The following RARB variants were observed in gnomAD, a reference collection of about 807,000 sequenced individuals.
RARB encodes retinoic acid receptor beta.
Under a neutral mutation model 51.9 loss-of-function variants are expected in RARB, and 17 were observed. That is an observed-to-expected ratio of 0.33 (90% confidence interval 0.22 to 0.49). RARB has a LOEUF of 0.49. Among genes scored for constraint, RARB ranks in the 20% least tolerant of loss-of-function variants. The pLI is 0.99. For missense variants in RARB, 369 were observed against 550.8 expected, an observed-to-expected ratio of 0.67 and a Z score of 3.30; for synonymous variants, 215 against 195.4, an observed-to-expected ratio of 1.10 and a Z score of -0.84.
chr3:25,138,871 C>A (rs550661211), intron 4 of RARB, among the ~76,000 whole-genome samples: 6 of 152,260 alleles, frequency 3.9e-5, no homozygotes, highest in South Asian at 4.1e-4. Flanking sequence ...CTTGTGGCAA[C>A]CCTGTGTTGA....
At chr3:25,277,101 G>A (rs1703407914) in intron 5 of RARB, among the ~76,000 whole-genome samples, 1 of 152,158 alleles carries the variant, frequency 6.6e-6, no homozygotes, top group South Asian at 2.1e-4. Context: ...CGTATTACTG[G>A]AAAAGTTAGC....
At chr3:25,502,153 C>T (rs1367369105) in intron 3 of RARB, among the ~76,000 whole-genome samples, 2 of 152,170 alleles carry the variant, frequency 1.3e-5, no homozygotes, top group African/African-American at 4.8e-5. Flanking sequence ...TTGGTGATGG[C>T]GTGCTGTGCA....
rs554679825 is a variant in RARB, at chr3:25,098,773, G to A, written c.-327-33388G>A. Among the ~76,000 whole-genome samples, 5 of 152,230 alleles carry A rather than the reference G, an allele frequency of 3.3e-5. No individual in the cohort carries two copies. The East Asian group carries it at 7.7e-4, about 23-fold the overall frequency. The stretch of plus-strand genomic sequence containing the variant: ...TTTACAGAAGTAGTTTACTGACCCC[G>A]ATCCTAAATATTAGCATGTGTTTGT... On this transcript the variant is annotated intron_variant, in intron 3 of 11. Coordinates refer to the RARB transcript ENST00000383772.
chr3:25,070,358 G>A (rs781750827), intron 3 of RARB, among the ~76,000 whole-genome samples: 3 of 152,162 alleles, frequency 2.0e-5, no homozygotes, highest in South Asian at 2.1e-4. Flanking sequence ...AGGGAAGAGC[G>A]AGTGCATACT....
chr3:25,050,206 C>A (rs190414355), intron 2 of RARB, among the ~76,000 whole-genome samples: 24 of 152,060 alleles, frequency 1.6e-4, no homozygotes, highest in African/African-American at 5.8e-4. Flanking sequence ...ACGGTCAAAC[C>A]TAAAAATCTG....
intron 2 of RARB, among the ~76,000 whole-genome samples, chr3:24,903,298 C>A (rs1019725280): frequency 6.6e-6 from 1 of 151,798 alleles, no homozygotes; most frequent in African/African-American, 2.4e-5. Flanking sequence ...AGACAAACTT[C>A]TATGTGAAGT....
intron 2 of RARB, among the ~76,000 whole-genome samples, chr3:24,882,876 A>C (rs997155303): frequency 2.0e-5 from 3 of 152,144 alleles, no homozygotes; most frequent in African/African-American, 7.2e-5. Flanking sequence ...ATATGACAGA[A>C]CTCTGACCAA....
intron 5 of RARB, among the ~76,000 whole-genome samples, chr3:25,313,507 C>A (rs1704341810): frequency 6.6e-6 from 1 of 152,270 alleles, no homozygotes; most frequent in South Asian, 2.1e-4. Flanking sequence ...AACTTCTTTG[C>A]CTGGTTCCCT....
intron 2 of RARB, among the ~76,000 whole-genome samples, chr3:24,913,220 C>A (rs147074988): frequency 1.3e-5 from 2 of 151,096 alleles, no homozygotes; most frequent in Admixed American, 6.6e-5. Context: ...TCCTGACCTC[C>A]TGATCTGCCC....
intron 2 of RARB, among the ~76,000 whole-genome samples, chr3:25,466,116 T>C (rs867163061): frequency 2.4e-4 from 36 of 152,370 alleles, no homozygotes; most frequent in African/African-American, 7.7e-4. Context: ...GTATAAAGCA[T>C]ATAGAATAGT....
chr3:25,166,117 C>T (rs979226157), intron 4 of RARB, among the ~76,000 whole-genome samples: 20 of 152,080 alleles, frequency 1.3e-4, no homozygotes, highest in African/African-American at 4.6e-4. Context: ...TACTCTCTTC[C>T]ATCTCCTTTA....
At chr3:25,594,703 G>A in intron 7 of RARB, 25 bp downstream of exon 7, 3 of 1,550,438 alleles carry the variant, frequency 1.9e-6, no homozygotes, top group African/African-American at 2.8e-5. Flanking sequence ...TCTCAGTACT[G>A]TAGTCACACA....
intron 5 of RARB, among the ~76,000 whole-genome samples, chr3:25,183,392 A>G (rs1031558185): frequency 6.6e-6 from 1 of 152,020 alleles, no homozygotes; most frequent in Non-Finnish European, 1.5e-5. Flanking sequence ...TCTGATTTTC[A>G]TTTTGTCTTA....
chr3:24,946,200 C>G (rs992588691), intron 2 of RARB, among the ~76,000 whole-genome samples: 6 of 148,384 alleles, frequency 4.0e-5, no homozygotes, highest in African/African-American at 1.3e-4. Context: ...GGAGGCAGAG[C>G]TTGCAGTGAG....
chr3:24,937,447 C>G (rs1030815168), intron 2 of RARB, among the ~76,000 whole-genome samples: 1 of 152,136 alleles, frequency 6.6e-6, no homozygotes, highest in African/African-American at 2.4e-5. Context: ...TTCATCCTTA[C>G]TACCCTCTCC....
At chr3:25,161,519 A>G (rs1700472774) in intron 4 of RARB, among the ~76,000 whole-genome samples, 1 of 152,026 alleles carries the variant, frequency 6.6e-6, no homozygotes. Flanking sequence ...GTTAATGTAG[A>G]ATTGTAAATT....
chr3:25,074,798 T>C (rs559861973), intron 3 of RARB, among the ~76,000 whole-genome samples: 1 of 152,308 alleles, frequency 6.6e-6, no homozygotes, highest in African/African-American at 2.4e-5. Context: ...TGGCATATGT[T>C]TGAATGTGTC....
intron 2 of RARB, among the ~76,000 whole-genome samples, chr3:25,470,351 G>C (rs1035912115): frequency 3.9e-5 from 6 of 152,194 alleles, no homozygotes; most frequent in African/African-American, 1.4e-4. Flanking sequence ...TCATTGGATG[G>C]ATGAATGAAT....
At chr3:25,450,461 A>C (rs1371646666) in intron 1 of RARB, among the ~76,000 whole-genome samples, 3 of 152,172 alleles carry the variant, frequency 2.0e-5, no homozygotes, top group African/African-American at 7.2e-5. Flanking sequence ...TTAGGAACTG[A>C]GCTCATACCA....
Sources: gnomAD v4.1 joint callset for allele counts (sites outside exome capture counted in the v4.1 genomes callset) on GRCh38, gnomAD v4.1.1 for gene constraint, MANE v1.5 for transcripts, NCBI Gene and HGNC (gene_info 2026-07-23, HGNC 2026-07-21) for gene names.